CEP85L: variants seen among roughly 807,000 people sequenced by gnomAD.
The protein encoded by CEP85L is centrosomal protein of 85 kDa-like.
In CEP85L, 60 loss-of-function variants were observed where a neutral mutation model predicts 100.3. The observed-to-expected ratio is 0.60, with a 90% CI of 0.49 to 0.74. CEP85L has a LOEUF of 0.74. Ranked by LOEUF, CEP85L falls within the 30% of genes least tolerant of loss-of-function variation. CEP85L has a pLI of 0.00. For missense variants in CEP85L, 973 were observed against 936.2 expected, an observed-to-expected ratio of 1.04 and a Z score of -0.51; for synonymous variants, 319 against 322.7, an observed-to-expected ratio of 0.99 and a Z score of 0.12.
chr6:118,551,290 A>G (rs1192694634), intron 3 of CEP85L, among the ~76,000 whole-genome samples: 1 of 151,796 alleles, frequency 6.6e-6, no homozygotes, highest in Non-Finnish European at 1.5e-5. Flanking sequence ...GTGCCTTTGA[A>G]AAGGTACTCC....
At chr6:118,699,858 C>A (rs1777354787) in intron 1 of CEP85L, among the ~76,000 whole-genome samples, 1 of 152,130 alleles carries the variant, frequency 6.6e-6, no homozygotes, top group Non-Finnish European at 1.5e-5. Flanking sequence ...CCACGCCCAG[C>A]TAATTTTTGC....
chr6:118,597,662 T>G (rs1329967344), intron 2 of CEP85L, among the ~76,000 whole-genome samples: 1 of 152,206 alleles, frequency 6.6e-6, no homozygotes, highest in Admixed American at 6.5e-5. Context: ...AAAGACAGTT[T>G]TCTAAATAGC....
intron 5 of CEP85L, chr6:118,502,416 A>G: frequency 1.9e-6 from 1 of 525,254 alleles, no homozygotes; most frequent in Non-Finnish European, 3.7e-6. Context: ...AGGGGATTCC[A>G]GGGCCCTATA....
chr6:118,640,838 AT>A (rs1381758536), intron 1 of CEP85L, among the ~76,000 whole-genome samples: 1 of 152,110 alleles, frequency 6.6e-6, no homozygotes, highest in East Asian at 1.9e-4. Context: ...CTGTAAATAT[AT>A]TTTTGAAAGT....
chr6:118,566,065 G>A lies in CEP85L; in HGVS notation c.484C>T (p.Leu162Phe). Reference sequence around the variant, plus strand: ...TGGCCACAGTTATCCGGGGCAGTGAGTTTGGATAAAGATGACCATTTCCGA... The same window carrying A: ...TGGCCACAGTTATCCGGGGCAGTGAATTTGGATAAAGATGACCATTTCCGA... ...PLRKWSSLSK[L>F]TAPDNCGQGG... is the part of the protein sequence containing the mutation. The change falls in exon 3 of 13, where the codon CTC becomes TTC. Residue 162 changes from leucine to phenylalanine, a missense_variant. This residue lies in a region of CEP85L where 890 missense variants were observed against 844.5 expected (regional missense o/e 1.05). Transcript: ENST00000368491. 1.9e-6 allele frequency: 3 copies of A among 1,614,190 alleles called. No homozygotes were observed. Among genetic ancestry groups the A allele is most frequent in the Non-Finnish European group, 2.5e-6 (3 of 1,180,038 alleles).
chr6:118,541,306 T>C (rs1777892780), intron 3 of CEP85L, among the ~76,000 whole-genome samples: 1 of 152,230 alleles, frequency 6.6e-6, no homozygotes, highest in Non-Finnish European at 1.5e-5. Flanking sequence ...TATGCAAGCT[T>C]TTAATTTGGA....
intron 1 of CEP85L, among the ~76,000 whole-genome samples, chr6:118,705,577 A>G (rs1777568722): frequency 6.6e-6 from 1 of 152,248 alleles, no homozygotes; most frequent in African/African-American, 2.4e-5. Flanking sequence ...TGAGGAAGCT[A>G]CTAATGGCAT....
intron 2 of CEP85L, among the ~76,000 whole-genome samples, chr6:118,597,740 A>G (rs893675700): frequency 6.6e-6 from 1 of 152,248 alleles, no homozygotes; most frequent in African/African-American, 2.4e-5. Flanking sequence ...TATGAAAAAG[A>G]TAACGACTAT....
intron 12 of CEP85L, among the ~76,000 whole-genome samples, chr6:118,468,232 T>C (rs1345497860): frequency 1.3e-5 from 2 of 152,200 alleles, no homozygotes; most frequent in African/African-American, 4.8e-5. Flanking sequence ...ACTATTATGA[T>C]GCAAAATGGT....
intron 1 of CEP85L, among the ~76,000 whole-genome samples, chr6:118,680,875 C>A (rs1157880795): frequency 2.7e-5 from 4 of 147,164 alleles, no homozygotes; most frequent in African/African-American, 2.5e-5. Flanking sequence ...GACCTTGTGT[C>A]AAAAAAAAAA....
At chr6:118,480,843 T>C (rs1773725597) in intron 8 of CEP85L, among the ~76,000 whole-genome samples, 1 of 152,080 alleles carries the variant, frequency 6.6e-6, no homozygotes, top group African/African-American at 2.4e-5. Flanking sequence ...TCTTTCCTTT[T>C]CCTCTAAAAG....
intron 3 of CEP85L, among the ~76,000 whole-genome samples, chr6:118,563,745 C>A (rs1012586483): frequency 6.4e-4 from 98 of 152,134 alleles, no homozygotes; most frequent in African/African-American, 2.3e-3. Flanking sequence ...GCTACAGTGC[C>A]TGGCCAGAAG....
chr6:118,615,669 G>A (rs961280690), intron 2 of CEP85L, among the ~76,000 whole-genome samples: 1 of 152,172 alleles, frequency 6.6e-6, no homozygotes, highest in Non-Finnish European at 1.5e-5. Flanking sequence ...GATTAATGGT[G>A]GGGGCCTTGG....
chr6:118,699,660 G>A lies in CEP85L; in HGVS notation c.-28+10376C>T, dbSNP rs561386744. ...ATGTATCATTTTGAATGCCATACCAGCTCTAGTGCTATTATTATTATTATT... is the reference window on the plus strand; with the variant it reads ...ATGTATCATTTTGAATGCCATACCAACTCTAGTGCTATTATTATTATTATT... On this transcript the variant is annotated intron_variant, in intron 1 of 13. Coordinates refer to the CEP85L transcript ENST00000368488. 2.2e-3 allele frequency among the ~76,000 whole-genome samples: 330 copies of A among 152,046 alleles called. 2 individuals carry two copies. Among genetic ancestry groups the A allele is most frequent in the African/African-American group, 7.7e-3 (321 of 41,440 alleles).
chr6:118,655,185 C>T (rs6931386), upstream of CEP85L, among the ~76,000 whole-genome samples: 153 of 152,214 alleles, frequency 1.0e-3, no homozygotes, highest in African/African-American at 3.5e-3. Flanking sequence ...ATGGCGAGGC[C>T]AAGACAAGGA....
rs147500922 is a variant in CEP85L, at chr6:118,569,976, G to A, written c.233-3660C>T. Among the ~76,000 whole-genome samples the A allele has an allele frequency of 4.4e-3, 671 of 152,224 alleles. 8 individuals carry two copies. Among genetic ancestry groups the A allele is most frequent in the African/African-American group, 0.016 (650 of 41,546 alleles). ...TACTACAGTAATGGGAACACAAACT[G>A]TTATAGTCTTTGAAAGAAGGGAGGC... On this transcript the variant is annotated intron_variant, in intron 2 of 12. Transcript: ENST00000368491.
intron 1 of CEP85L, among the ~76,000 whole-genome samples, chr6:118,662,509 G>A (rs1369898402): frequency 6.7e-6 from 1 of 148,428 alleles, no homozygotes; most frequent in Non-Finnish European, 1.5e-5. Flanking sequence ...CAGGCTGGGT[G>A]ACATGAGGGA....
chr6:118,558,696 G>A (rs1400878257), intron 3 of CEP85L: 3 of 549,230 alleles, frequency 5.5e-6, no homozygotes, highest in Non-Finnish European at 6.5e-6. Context: ...GAGGGAGAGA[G>A]ACTATAGAAA....
At position 118,661,174 on chromosome 6, in the gene CEP85L, C is replaced by T. The variant is rs191148144; in HGVS notation, c.-27-8366G>A. On this transcript the variant is annotated intron_variant, in intron 1 of 13. Coordinates refer to the CEP85L transcript ENST00000368488. ...TGCTGGGATTACAGGTGTGAGCCACCGCGCCCAGCCAAGGTGTCAGAATTT... is the reference window on the plus strand; with the variant it reads ...TGCTGGGATTACAGGTGTGAGCCACTGCGCCCAGCCAAGGTGTCAGAATTT... 4.3e-3 allele frequency among the ~76,000 whole-genome samples: 650 copies of T among 152,070 alleles called. 4 individuals are homozygous for T. Among genetic ancestry groups the T allele is most frequent in the African/African-American group, 0.015 (620 of 41,486 alleles).
Sources: allele counts gnomAD v4.1 joint callset (sites outside exome capture counted in the v4.1 genomes callset), GRCh38; gene constraint gnomAD v4.1.1; regional missense constraint gnomAD v4.1.1; transcripts MANE v1.5; gene names NCBI Gene and HGNC (gene_info 2026-07-23, HGNC 2026-07-21).